GNB4: variants seen among roughly 807,000 people sequenced by gnomAD.
The protein encoded by GNB4 is guanine nucleotide-binding protein subunit beta-4.
In GNB4, 28 loss-of-function variants were observed where a neutral mutation model predicts 45.2. That is an observed-to-expected ratio of 0.62 (90% CI 0.46 to 0.85). The LOEUF (loss-of-function observed/expected upper bound fraction) is 0.85, where lower values mean the gene tolerates loss of function less well. GNB4 is among the 40% of genes least tolerant of loss of function. The probability of loss-of-function intolerance (pLI) is 0.00; values close to 1 mark genes in which losing one functional copy is unlikely to be tolerated. For missense variants in GNB4, 321 were observed against 425.4 expected (o/e 0.75, Z 2.16); for synonymous variants, 132 against 143.7 (o/e 0.92, Z 0.58).
the GNB4 span, among the ~76,000 whole-genome samples, chr3:179,467,784 T>C: frequency 6.6e-6 from 1 of 152,152 alleles, no homozygotes; most frequent in African/African-American, 2.4e-5. Flanking sequence ...GTTTGCTTCA[T>C]GAAACTGGTT....
intron 4 of GNB4, 66 bp downstream of exon 4, chr3:179,419,333 A>G: frequency 9.9e-7 from 1 of 1,005,082 alleles, no homozygotes; most frequent in South Asian, 1.3e-5. Flanking sequence ...GAAAATGCAA[A>G]TGATGGTTCT....
At chr3:179,443,663 G>A (rs1715649972) in intron 1 of GNB4, among the ~76,000 whole-genome samples, 1 of 152,150 alleles carries the variant, frequency 6.6e-6, no homozygotes, top group South Asian at 2.1e-4. Flanking sequence ...TAAAATTTTA[G>A]AGGTTTTAGT....
At chr3:179,427,505 T>A (rs1320690498) in intron 1 of GNB4, among the ~76,000 whole-genome samples, 3 of 150,310 alleles carry the variant, frequency 2.0e-5, no homozygotes, top group Non-Finnish European at 2.9e-5. Flanking sequence ...TTTGGGAAGC[T>A]GAGGCAAAAG....
chr3:179,470,699 C>G, the GNB4 span, among the ~76,000 whole-genome samples: 10 of 151,646 alleles, frequency 6.6e-5, no homozygotes, highest in Non-Finnish European at 1.5e-4. Context: ...CACGTGCCAC[C>G]GCTCCAGCTA....
chr3:179,497,573 G>T, the GNB4 span, among the ~76,000 whole-genome samples: 1 of 151,972 alleles, frequency 6.6e-6, no homozygotes, highest in East Asian at 1.9e-4. Flanking sequence ...GCAACCTATC[G>T]GATGGGAGAA....
At chr3:179,406,394 AT>A (rs1714471203) in intron 8 of GNB4, among the ~76,000 whole-genome samples, 2 of 152,162 alleles carry the variant, frequency 1.3e-5, no homozygotes, top group Non-Finnish European at 2.9e-5. Context: ...CATCATGACT[AT>A]GATCTCTGAT....
the GNB4 span, among the ~76,000 whole-genome samples, chr3:179,465,730 T>C: frequency 5.3e-5 from 8 of 152,080 alleles, no homozygotes; most frequent in African/African-American, 1.9e-4. Flanking sequence ...TTTTTTCTTA[T>C]TTAATCAATG....
At chr3:179,497,681 C>A in the GNB4 span, among the ~76,000 whole-genome samples, 4 of 148,418 alleles carry the variant, frequency 2.7e-5, no homozygotes, top group East Asian at 6.0e-4. Flanking sequence ...AATTACTGAG[C>A]ATACAACTCA....
chr3:179,402,359 T>C (rs960730278), intron 9 of GNB4, among the ~76,000 whole-genome samples: 14 of 152,222 alleles, frequency 9.2e-5, no homozygotes, highest in Admixed American at 3.3e-4. Context: ...TATTTTGTTA[T>C]GGATACTAAT....
upstream of GNB4, among the ~76,000 whole-genome samples, chr3:179,454,035 G>A (rs1715942472): frequency 6.6e-6 from 1 of 152,174 alleles, no homozygotes. Flanking sequence ...GAGAGAGACT[G>A]GGAAGGGAGG....
the GNB4 span, among the ~76,000 whole-genome samples, chr3:179,513,921 C>T: frequency 1.3e-5 from 2 of 152,192 alleles, no homozygotes; most frequent in Non-Finnish European, 2.9e-5. Flanking sequence ...CTTATCCTTC[C>T]TGATCCCTCA....
chr3:179,516,135 T>C, the GNB4 span, among the ~76,000 whole-genome samples: 1 of 152,200 alleles, frequency 6.6e-6, no homozygotes, highest in Non-Finnish European at 1.5e-5. Context: ...GAGAGAGTCC[T>C]CTTTTTTAAG....
chr3:179,454,932 T>C (rs971134949), upstream of GNB4, among the ~76,000 whole-genome samples: 2 of 152,238 alleles, frequency 1.3e-5, no homozygotes, highest in Non-Finnish European at 2.9e-5. Context: ...TAGTAGATTC[T>C]GTAAGAAGTC....
At chr3:179,515,240 T>A in the GNB4 span, among the ~76,000 whole-genome samples, 1 of 152,246 alleles carries the variant, frequency 6.6e-6, no homozygotes, top group Non-Finnish European at 1.5e-5. Context: ...TATTGATTCA[T>A]TTAATCCTCA....
chr3:179,485,498 A>G, the GNB4 span, among the ~76,000 whole-genome samples: 52 of 152,308 alleles, frequency 3.4e-4, no homozygotes, highest in African/African-American at 1.2e-3. Flanking sequence ...GCAATATTTA[A>G]TTAGCTTTGT....
At chr3:179,456,107 CTTTTTTTT>C (rs10603569), upstream of GNB4, among the ~76,000 whole-genome samples, 11 of 122,624 alleles carry the variant, frequency 9.0e-5, no homozygotes, top group African/African-American at 2.9e-4. Context: ...GGGACATAGA[CTTTTTTTT>C]TTTTTTTTTT....
the GNB4 span, among the ~76,000 whole-genome samples, chr3:179,515,925 G>A: frequency 6.6e-6 from 1 of 152,164 alleles, no homozygotes; most frequent in Admixed American, 6.5e-5. Context: ...TTGTTGTATA[G>A]AATGGTTGGT....
the GNB4 span, among the ~76,000 whole-genome samples, chr3:179,519,637 A>G: frequency 6.6e-6 from 1 of 152,150 alleles, no homozygotes; most frequent in African/African-American, 2.4e-5. Flanking sequence ...CATTTTAACT[A>G]AATGATCTGC....
At chr3:179,425,708 T>C (rs1193518715) in intron 2 of GNB4, among the ~76,000 whole-genome samples, 1 of 152,122 alleles carries the variant, frequency 6.6e-6, no homozygotes, top group Admixed American at 6.6e-5. Context: ...TGACCTCAGG[T>C]GATCCACCTG....
Sources: allele counts gnomAD v4.1 joint callset (sites outside exome capture counted in the v4.1 genomes callset), GRCh38; gene constraint gnomAD v4.1.1; transcripts MANE v1.5; gene names NCBI Gene and HGNC (gene_info 2026-07-23, HGNC 2026-07-21).